The following RERE variants were observed in gnomAD, a reference collection of about 807,000 sequenced individuals.
The protein encoded by RERE is arginine-glutamic acid dipeptide repeats.
In RERE, 40 loss-of-function variants were observed where a neutral mutation model predicts 146.1. The ratio of observed to expected loss-of-function variants is 0.27; its 90% confidence interval spans 0.21 to 0.36. RERE has a LOEUF of 0.36. Ranked by LOEUF, RERE falls within the 10% of genes least tolerant of loss-of-function variation. The pLI is 1.00. For synonymous variants in RERE, 1,003 were observed against 866.0 expected (o/e 1.16, Z -2.78); for missense variants, 1,933 against 2,138.7 (o/e 0.90, Z 1.90).
intron 1 of RERE, among the ~76,000 whole-genome samples, chr1:8,779,553 C>T (rs557655671): frequency 3.5e-4 from 53 of 152,052 alleles, no homozygotes; most frequent in African/African-American, 1.3e-3. Context: ...GTCCTAGCTA[C>T]TCGGGAGGCT....
chr1:8,785,564 A>T (rs1641244576), intron 1 of RERE, among the ~76,000 whole-genome samples: 1 of 152,202 alleles, frequency 6.6e-6, no homozygotes, highest in Admixed American at 6.5e-5. Context: ...AGGATACAGA[A>T]TCTATGACAT....
chr1:8,517,458 AATC>A (rs1645434987), intron 7 of RERE, among the ~76,000 whole-genome samples: 1 of 152,234 alleles, frequency 6.6e-6, no homozygotes, highest in African/African-American at 2.4e-5. Context: ...TTATACTGTG[AATC>A]ATATTACAAA....
At position 8,358,806 on chromosome 1, in the gene RERE, G is replaced by C; in HGVS notation, c.3729C>G (p.Pro1243=). The change falls in exon 20 of 23, where the codon CCC becomes CCG. Residue 1243 remains proline (P), a synonymous_variant. Coordinates refer to ENST00000400908, the MANE Select transcript of RERE (RefSeq NM_001042681.2). ...EPPPTTIAAV[P]PYIGPDTPAL... The stretch of plus-strand genomic sequence containing the variant: ...CAGGTGTGTCGGGCCCGATGTAGGG[G>C]GGCACAGCAGCAATGGTGGTTGGTG... 1 of 1,612,374 alleles carries C rather than the reference G, an allele frequency of 6.2e-7. No individual in the cohort carries two copies. The highest frequency in any genetic ancestry group is 8.5e-7 in the Non-Finnish European group (1 of 1,179,138).
intron 4 of RERE, among the ~76,000 whole-genome samples, chr1:8,597,967 T>C (rs185919217): frequency 1.6e-4 from 25 of 152,162 alleles, no homozygotes; most frequent in South Asian, 1.0e-3. Flanking sequence ...GTTGTCCAGG[T>C]CTCAGTGGTT....
intron 12 of RERE, among the ~76,000 whole-genome samples, chr1:8,392,363 C>G (rs553902827): frequency 1.3e-5 from 2 of 152,120 alleles, no homozygotes; most frequent in African/African-American, 2.4e-5. Context: ...TAAAAAAATC[C>G]TTTTATGCTT....
intron 7 of RERE, among the ~76,000 whole-genome samples, chr1:8,521,600 C>G (rs1645501879): frequency 2.6e-5 from 4 of 152,252 alleles, no homozygotes; most frequent in Admixed American, 2.0e-4. Flanking sequence ...AACTATGTGC[C>G]AAGCACTTCC....
chr1:8,735,511 C>T (rs140933720), intron 1 of RERE, among the ~76,000 whole-genome samples: 254 of 152,248 alleles, frequency 1.7e-3, no homozygotes, highest in African/African-American at 5.8e-3. Context: ...GAGATTGTTC[C>T]GTGTCAGTCC....
chr1:8,571,472 G>A (rs1646220307), intron 4 of RERE, among the ~76,000 whole-genome samples: 1 of 152,136 alleles, frequency 6.6e-6, no homozygotes, highest in South Asian at 2.1e-4. Context: ...TCAAAAGTTG[G>A]CCTGCATAAT....
intron 11 of RERE, among the ~76,000 whole-genome samples, chr1:8,452,597 A>T (rs1219500878): frequency 6.6e-6 from 1 of 152,246 alleles, no homozygotes; most frequent in Admixed American, 6.5e-5. Flanking sequence ...ATAATAGAAG[A>T]ACAAACTAAC....
At position 8,510,045 on chromosome 1, in the gene RERE, AGAG is replaced by A. The variant is rs1163147947; in HGVS notation, c.831-1373_831-1371del. On this transcript the variant is annotated intron_variant, in intron 7 of 22. Coordinates refer to ENST00000400908, the MANE Select transcript of RERE (RefSeq NM_001042681.2). ...AATGTGACAAAGGAAGAAAAAAAGA[AGAG>A]GAGGAAGAAGGGGAGAAAGGGAGGA... Among the ~76,000 whole-genome samples, 12 of 152,228 alleles carry A rather than the reference AGAG, an allele frequency of 7.9e-5. 1 individual carries two copies. In the South Asian group the frequency reaches 2.1e-3, roughly 26 times the overall value.
intron 6 of RERE, among the ~76,000 whole-genome samples, chr1:8,546,306 TAAA>T (rs1188075619): frequency 1.2e-3 from 54 of 45,240 alleles, no homozygotes; most frequent in African/African-American, 4.5e-3. Context: ...AAAATAAAAA[TAAA>T]TAAAAATATA....
At chr1:8,532,521 A>G (rs1168007910) in intron 7 of RERE, among the ~76,000 whole-genome samples, 1 of 152,112 alleles carries the variant, frequency 6.6e-6, no homozygotes, top group Non-Finnish European at 1.5e-5. Flanking sequence ...CCTGGGTTCA[A>G]TAGATTCTCC....
At chr1:8,802,289 C>G (rs1641603936) in intron 1 of RERE, among the ~76,000 whole-genome samples, 1 of 152,228 alleles carries the variant, frequency 6.6e-6, no homozygotes, top group South Asian at 2.1e-4. Flanking sequence ...GTGGTCTGAA[C>G]AGCTACCCGC....
chr1:8,362,809 T>C lies in RERE; in HGVS notation c.1776A>G (p.Pro592=). ...GTGAGGTGCGACCATCAGGGCTGGC[T>C]GGCTGCTTCTTCCGACCACTGCGTA... ...STLRSGRKKQ[P]ASPDGRTSPI... is the part of the protein sequence containing the mutation. The change falls in exon 16 of 23, where the codon CCA becomes CCG. Residue 592 remains proline (P), a synonymous_variant. Coordinates refer to ENST00000400908, the MANE Select transcript of RERE (RefSeq NM_001042681.2). 1 of 1,614,094 alleles carries C rather than the reference T, an allele frequency of 6.2e-7. No homozygotes were observed. Among genetic ancestry groups the C allele is most frequent in the Non-Finnish European group, 8.5e-7 (1 of 1,180,024 alleles).
intron 10 of RERE, among the ~76,000 whole-genome samples, chr1:8,487,691 CAAGG>C (rs775339264): frequency 6.6e-5 from 10 of 151,994 alleles, no homozygotes; most frequent in Non-Finnish European, 1.0e-4. Flanking sequence ...AGCAGAGGTT[CAAGG>C]AAGTGCAATA....
chr1:8,624,168 G>A, intron 3 of RERE, 142 bp downstream of exon 3: 1 of 657,672 alleles, frequency 1.5e-6, no homozygotes, highest in Non-Finnish European at 2.7e-6. Flanking sequence ...TCATTTCAGT[G>A]CTACTGCCAC....
intron 2 of RERE, among the ~76,000 whole-genome samples, chr1:8,633,480 A>C (rs963094825): frequency 1.4e-4 from 21 of 150,754 alleles, no homozygotes; most frequent in African/African-American, 5.1e-4. Flanking sequence ...CACACACAAA[A>C]ATGTACTTCT....
At chr1:8,593,871 G>A (rs1458688216) in intron 4 of RERE, among the ~76,000 whole-genome samples, 1 of 152,172 alleles carries the variant, frequency 6.6e-6, no homozygotes, top group Non-Finnish European at 1.5e-5. Context: ...GGACCATGGC[G>A]AGACCTTGAG....
intron 4 of RERE, among the ~76,000 whole-genome samples, chr1:8,576,587 A>G (rs1646297988): frequency 6.6e-6 from 1 of 152,208 alleles, no homozygotes; most frequent in Admixed American, 6.5e-5. Context: ...ATACTGTATG[A>G]TTCAAAATGA....
Sources: allele counts gnomAD v4.1 joint callset (sites outside exome capture counted in the v4.1 genomes callset), GRCh38; gene constraint gnomAD v4.1.1; transcripts MANE v1.5; gene names NCBI Gene and HGNC (gene_info 2026-07-23, HGNC 2026-07-21).